PLA2R1: variants seen among roughly 807,000 people sequenced by gnomAD.
PLA2R1 encodes the protein secretory phospholipase A2 receptor.
PLA2R1 carries 158 observed loss-of-function variants against 195.9 expected under a neutral mutation model. The observed-to-expected ratio is 0.81, with a 90% CI of 0.71 to 0.92. PLA2R1 has a LOEUF of 0.92. Among genes scored for constraint, PLA2R1 ranks in the 40% least tolerant of loss-of-function variants. PLA2R1 has a pLI of 0.00. For missense variants in PLA2R1, 1,626 were observed against 1,764.6 expected (o/e 0.92, Z 1.41); for synonymous variants, 586 against 598.2 (o/e 0.98, Z 0.30).
intron 11 of PLA2R1, among the ~76,000 whole-genome samples, chr2:159,997,918 C>T (rs1208822516): frequency 6.6e-6 from 1 of 152,126 alleles, no homozygotes; most frequent in African/African-American, 2.4e-5. Flanking sequence ...TTCAAAAGTA[C>T]AGGGTTTTAA....
At chr2:159,973,949 A>G (rs1004757067) in intron 17 of PLA2R1, among the ~76,000 whole-genome samples, 2 of 151,832 alleles carry the variant, frequency 1.3e-5, no homozygotes, top group African/African-American at 4.8e-5. Flanking sequence ...CAAACTGCTC[A>G]GCCTGTGGGG....
At chr2:159,974,215 C>T (rs932489665) in intron 17 of PLA2R1, among the ~76,000 whole-genome samples, 1 of 152,112 alleles carries the variant, frequency 6.6e-6, no homozygotes, top group Non-Finnish European at 1.5e-5. Context: ...TCTTACATGC[C>T]CTGACACTGC....
intron 10 of PLA2R1, among the ~76,000 whole-genome samples, chr2:160,007,046 A>G (rs1229128528): frequency 6.6e-6 from 1 of 152,198 alleles, no homozygotes; most frequent in Admixed American, 6.5e-5. Flanking sequence ...TTTAGTAAAT[A>G]TTTTCTGCAG....
chr2:159,925,201 A>AG, the PLA2R1 span, among the ~76,000 whole-genome samples: 14 of 151,878 alleles, frequency 9.2e-5, no homozygotes, highest in Middle Eastern at 0.01. Flanking sequence ...AAAAAAACAA[A>AG]CAAACAATCA....
rs1385640007 is a variant in PLA2R1 at position 160,016,657 on chromosome 2, T to C, written c.1508A>G (p.Lys503Arg). ...CEERLFYICKKAGHVLSDAES... is the reference protein window; with the variant it reads ...CEERLFYICKRAGHVLSDAES... ...AGCATCAGAGAGGACATGGCCTGCT[T>C]TTTTACAAATGTAAAAAAGTCTTTC... Residue 503 changes from lysine to arginine, a missense_variant, in exon 9 of 30, where the codon AAA becomes AGA. Lys to Arg is a conservative substitution (Grantham distance 26, BLOSUM62 2). Coordinates refer to ENST00000283243, the MANE Select transcript of PLA2R1 (RefSeq NM_007366.5). 2 of 1,610,846 alleles carry C rather than the reference T, an allele frequency of 1.2e-6. No homozygotes were observed. Among genetic ancestry groups the C allele is most frequent in the Non-Finnish European group, 1.7e-6 (2 of 1,177,106 alleles).
chr2:159,995,091 T>C (rs937470302), intron 11 of PLA2R1, among the ~76,000 whole-genome samples: 1 of 152,108 alleles, frequency 6.6e-6, no homozygotes, highest in Admixed American at 6.6e-5. Context: ...ACCAAGCTAA[T>C]GGATTCTTTT....
At chr2:159,975,038 T>C (rs776460984) in intron 17 of PLA2R1, among the ~76,000 whole-genome samples, 16 of 152,138 alleles carry the variant, frequency 1.1e-4, no homozygotes, top group African/African-American at 2.4e-4. Context: ...GAAAAGAAAA[T>C]GGCTTTTTCT....
At chr2:159,984,998 G>A (rs1690227816) in intron 12 of PLA2R1, among the ~76,000 whole-genome samples, 1 of 152,076 alleles carries the variant, frequency 6.6e-6, no homozygotes, top group Admixed American at 6.6e-5. Context: ...ACCTCTTCCC[G>A]AATCACTATA....
Position 160,016,651 on chromosome 2 carries a change from C to A in PLA2R1, c.1514G>T (p.Gly505Val), listed in dbSNP as rs1017780082. Residue 505 changes from glycine to valine, a missense_variant, in exon 9 of 30, where the codon GGC (glycine) becomes GTC (valine). Coordinates refer to ENST00000283243, the MANE Select transcript of PLA2R1 (RefSeq NM_007366.5). ...ERLFYICKKA[G>V]HVLSDAESGC... Reference sequence around the variant, plus strand: ...TGATTCAGCATCAGAGAGGACATGGCCTGCTTTTTTACAAATGTAAAAAAG... The same window carrying A: ...TGATTCAGCATCAGAGAGGACATGGACTGCTTTTTTACAAATGTAAAAAAG... 6.2e-7 allele frequency: 1 copy of A among 1,609,996 alleles called. No homozygotes were observed. The highest frequency in any genetic ancestry group is 1.3e-5 in the African/African-American group (1 of 74,944).
intron 3 of PLA2R1, among the ~76,000 whole-genome samples, chr2:160,036,897 C>CG (rs1553466637): frequency 2.2e-4 from 34 of 152,096 alleles, no homozygotes; most frequent in African/African-American, 7.2e-4. Flanking sequence ...AAAAATGGAA[C>CG]GGGGGAGGTG....
intron 12 of PLA2R1, among the ~76,000 whole-genome samples, chr2:159,986,867 G>A (rs957206832): frequency 6.6e-6 from 1 of 152,146 alleles, no homozygotes; most frequent in African/African-American, 2.4e-5. Context: ...GATTACAGGC[G>A]TGAGTCACTG....
At chr2:160,047,237 C>T (rs1334332632) in intron 1 of PLA2R1, among the ~76,000 whole-genome samples, 5 of 152,136 alleles carry the variant, frequency 3.3e-5, no homozygotes, top group Non-Finnish European at 7.4e-5. Context: ...CCTCCTTGAA[C>T]TGGGAATATG....
rs572897927 is a variant in PLA2R1 at position 160,056,756 on chromosome 2, G to A, written c.109+5539C>T. Among the ~76,000 whole-genome samples the A allele has an allele frequency of 5.9e-5, 9 of 152,176 alleles. No homozygotes were observed. The East Asian group carries it at 1.7e-3, about 29-fold the overall frequency. Reference sequence around the variant, plus strand: ...CAAGGTGATAGGAGACCCTCTTCAAGTCCCAGACTGAACATGGCACTTCTA... The same window carrying A: ...CAAGGTGATAGGAGACCCTCTTCAAATCCCAGACTGAACATGGCACTTCTA... On this transcript the variant is annotated intron_variant, in intron 1 of 29. Transcript: ENST00000283243.
chr2:160,000,705 A>G (rs1189569973), intron 11 of PLA2R1, among the ~76,000 whole-genome samples: 1 of 152,178 alleles, frequency 6.6e-6, no homozygotes, highest in East Asian at 1.9e-4. Context: ...AGTGACTACA[A>G]AGAACCACAA....
intron 7 of PLA2R1, among the ~76,000 whole-genome samples, chr2:160,020,853 C>A (rs1212864954): frequency 6.6e-6 from 1 of 152,080 alleles, no homozygotes; most frequent in Non-Finnish European, 1.5e-5. Flanking sequence ...CTAAGACATC[C>A]CCATAATATC....
chr2:160,047,001 G>C (rs1289010903), intron 1 of PLA2R1, among the ~76,000 whole-genome samples: 1 of 152,096 alleles, frequency 6.6e-6, no homozygotes, highest in African/African-American at 2.4e-5. Flanking sequence ...TTCATTAAAG[G>C]ATAATTATTT....
Position 159,967,563 on chromosome 2 carries a change from T to G in PLA2R1, c.2880A>C (p.Lys960Asn). ...DTPKQHGTCP[K>N]GWLYFNYKCL... is the part of the protein sequence containing the mutation. ...CCTTATAGTTAAAATATAGCCATCC[T>G]TTGGGACACGTTCCATGTTGTTTTG... is the stretch of plus-strand genomic sequence containing the variant. The change falls in exon 20 of 30, where the codon AAA (lysine) becomes AAC (asparagine). Residue 960 changes from lysine (K) to asparagine (N), a missense_variant. Transcript: ENST00000283243. 6.2e-7 allele frequency: 1 copy of G among 1,613,756 alleles called. No homozygotes were observed. Among genetic ancestry groups the G allele is most frequent in the Non-Finnish European group, 8.5e-7 (1 of 1,179,762 alleles).
At chr2:160,016,473 G>GC (rs748479172) in intron 9 of PLA2R1, 141 bp downstream of exon 9, 95 of 576,062 alleles carry the variant, frequency 1.6e-4, no homozygotes, top group Middle Eastern at 1.1e-3. Context: ...AGGAAAGAAG[G>GC]GGGGGGTGCG....
chr2:160,042,223 C>G, intron 2 of PLA2R1, 25 bp from the exon 3 acceptor site: 1 of 1,599,896 alleles, frequency 6.3e-7, no homozygotes, highest in South Asian at 1.1e-5. Context: ...TGTACAAAGT[C>G]AGATAAGTAT....
Sources: allele counts gnomAD v4.1 joint callset (sites outside exome capture counted in the v4.1 genomes callset), GRCh38; gene constraint gnomAD v4.1.1; transcripts MANE v1.5; gene names NCBI Gene and HGNC (gene_info 2026-07-23, HGNC 2026-07-21).